Variants in TARS1 observed in about 807,000 individuals in gnomAD.
TARS1 encodes the protein threonyl-tRNA synthetase 1, also known as threonine--tRNA ligase 1, cytoplasmic.
In TARS1, 57 loss-of-function variants were observed where a neutral mutation model predicts 97.7. The ratio of observed to expected loss-of-function variants is 0.58; its 90% CI spans 0.47 to 0.73. The LOEUF is 0.73. TARS1 is among the 30% of genes least tolerant of loss of function. The probability of loss-of-function intolerance (pLI) is 0.00; values close to 1 mark genes in which losing one functional copy is unlikely to be tolerated. For missense variants in TARS1, 806 were observed against 888.3 expected (o/e 0.91, Z 1.18); for synonymous variants, 312 against 293.7 (o/e 1.06, Z -0.64).
At chr5:33,446,456 A>G (rs953953582) in intron 2 of TARS1, among the ~76,000 whole-genome samples, 1 of 152,228 alleles carries the variant, frequency 6.6e-6, no homozygotes, top group African/African-American at 2.4e-5. Context: ...ACAGCTTGAG[A>G]AATGACCTGG....
At chr5:33,444,995 A>C (rs1741343174) in intron 1 of TARS1, among the ~76,000 whole-genome samples, 1 of 152,050 alleles carries the variant, frequency 6.6e-6, no homozygotes. Flanking sequence ...TACTGAATCA[A>C]CTGCGTGCTT....
rs1045635421 is a variant in TARS1 at position 33,467,913 on chromosome 5, A to G, written c.*205A>G. ...GAAGGAGTTAATTAAAAGAGAGCCA[A>G]TAAAATGATTTTACTCATTCAGTAT... On this transcript the variant is annotated 3_prime_UTR_variant, in exon 19 of 19. Coordinates refer to ENST00000265112, the MANE Select transcript of TARS1 (RefSeq NM_152295.5). 8 of 486,456 alleles carry G rather than the reference A, an allele frequency of 1.6e-5. No homozygotes were observed. Among genetic ancestry groups the G allele is most frequent in the Admixed American group, 8.0e-5 (2 of 24,984 alleles). The allele number at this position is 486,456 out of a possible 1,614,324, so 30.1% of individuals were successfully genotyped here. A position where few individuals can be genotyped will look rare whatever the true frequency, so the allele number is the denominator to read the frequency against.
At chr5:33,467,522 T>C (rs761634530) in intron 18 of TARS1, 38 bp from the exon 19 acceptor site, 1 of 1,595,696 alleles carries the variant, frequency 6.3e-7, no homozygotes, top group Non-Finnish European at 8.5e-7. Flanking sequence ...TCCATATCTT[T>C]AGATTAAGTC....
Position 33,463,815 on chromosome 5 carries a change from A to T in TARS1, c.1898A>T (p.Tyr633Phe), listed in dbSNP as rs574983309. ...VVPVGPTCDE[Y>F]AQKVRQQFHD... ...CCAGTGGGACCAACCTGTGATGAAT[A>T]TGCCCAAAAGGTAAGCCTTAGATAT... Residue 633 changes from tyrosine (Y) to phenylalanine (F), a missense_variant, in exon 17 of 19, where the codon TAT (tyrosine) becomes TTT (phenylalanine). Coordinates refer to ENST00000265112, the MANE Select transcript of TARS1 (RefSeq NM_152295.5). 3 of 1,611,626 alleles carry T rather than the reference A, an allele frequency of 1.9e-6. No individual in the cohort carries two copies. In the South Asian group the frequency reaches 3.3e-5, roughly 18 times the overall value.
chr5:33,449,924 G>C (rs1741646298), intron 3 of TARS1, among the ~76,000 whole-genome samples: 1 of 150,410 alleles, frequency 6.6e-6, no homozygotes, highest in African/African-American at 2.4e-5. Context: ...GAATATGTAT[G>C]TATTCACTAA....
At chr5:33,446,101 G>A in intron 2 of TARS1, 1 of 156,080 alleles carries the variant, frequency 6.4e-6, no homozygotes, top group Non-Finnish European at 1.4e-5. Context: ...TCTTTAGAAA[G>A]CTACCAGAAG....
At chr5:33,451,528 C>T (rs1164547043) in intron 3 of TARS1, among the ~76,000 whole-genome samples, 1 of 152,138 alleles carries the variant, frequency 6.6e-6, no homozygotes, top group Non-Finnish European at 1.5e-5. Flanking sequence ...GCGCCCGCCA[C>T]CACGCCTGCC....
chr5:33,458,631 C>G lies in TARS1; in HGVS notation c.1050C>G (p.Ala350=). 7.4e-6 allele frequency: 12 copies of G among 1,613,570 alleles called. No individual in the cohort carries two copies. Among genetic ancestry groups the G allele is most frequent in the Non-Finnish European group, 9.3e-6 (11 of 1,179,740 alleles). The change falls in exon 10 of 19, where the codon GCC becomes GCG. Residue 350 remains alanine, a synonymous_variant. Transcript: ENST00000265112. ...GTTGCTTTTTTCTGCCAAAAGGAGC[C>G]TACATTTATAATGCACTTATTGAAT... ...PGSCFFLPKG[A]YIYNALIEFI...
rs1742631036 is a variant in TARS1, at chr5:33,468,052, G to T, written c.*344G>T. On this transcript the variant is annotated 3_prime_UTR_variant, in exon 19 of 19. Transcript: ENST00000265112. ...AATTCAATTAAGATAACTAGAATTG[G>T]ATTATGGTGTAAAAATAAAAAAAAA... is the stretch of plus-strand genomic sequence containing the variant. 2.1e-5 allele frequency: 4 copies of T among 191,154 alleles called. No individual in the cohort carries two copies. The highest frequency in any genetic ancestry group is 5.9e-5 in the Admixed American group (1 of 16,984). The allele number at this position is 191,154 out of a possible 1,614,324, so 11.8% of individuals were successfully genotyped here.
chr5:33,449,596 C>T (rs1178095732), intron 3 of TARS1, among the ~76,000 whole-genome samples: 2 of 151,316 alleles, frequency 1.3e-5, no homozygotes, highest in Non-Finnish European at 3.0e-5. Flanking sequence ...GCTGGGACTA[C>T]AGGTGCCCGC....
intron 2 of TARS1, chr5:33,446,881 C>A: frequency 1.9e-6 from 1 of 535,838 alleles, no homozygotes; most frequent in Non-Finnish European, 2.9e-6. Flanking sequence ...TTAGTTAATT[C>A]ATGGGTTCTT....
chr5:33,453,312 T>C lies in TARS1; in HGVS notation c.353T>C (p.Val118Ala). The change falls in exon 4 of 19, where the codon GTT becomes GCT. Residue 118 changes from valine (V) to alanine (A), a missense_variant. Coordinates refer to ENST00000265112, the MANE Select transcript of TARS1 (RefSeq NM_152295.5). Reference sequence around the variant, plus strand: ...AGTCAAGGCCTGGCCGACAACACCGTTATTGCTAAAGTAAATAATGTTGTG... The same window carrying C: ...AGTCAAGGCCTGGCCGACAACACCGCTATTGCTAAAGTAAATAATGTTGTG... Reference protein sequence around the residue: ...GISQGLADNTVIAKVNNVVWD... With the variant: ...GISQGLADNTAIAKVNNVVWD... 1 of 1,608,082 alleles carries C rather than the reference T, an allele frequency of 6.2e-7. No homozygotes were observed.
At chr5:33,446,722 G>T in intron 2 of TARS1, 2 of 1,289,396 alleles carry the variant, frequency 1.6e-6, no homozygotes, top group Non-Finnish European at 2.0e-6. Flanking sequence ...ATTGCAAGTG[G>T]CTATGATGAT....
At chr5:33,467,442 T>C (rs1252245364) in intron 18 of TARS1, 118 bp from the exon 19 acceptor site, 1 of 1,104,882 alleles carries the variant, frequency 9.1e-7, no homozygotes, top group Admixed American at 3.1e-5. Context: ...TACCTTTTAA[T>C]GTATCAGAAG....
intron 4 of TARS1, 79 bp downstream of exon 4, chr5:33,453,491 G>A (rs1411161799): frequency 5.2e-5 from 80 of 1,524,614 alleles, no homozygotes; most frequent in Non-Finnish European, 7.0e-5. Flanking sequence ...GTCCTGCTGC[G>A]ATTGGGTGGC....
At chr5:33,446,552 T>G in intron 2 of TARS1, 1 of 523,938 alleles carries the variant, frequency 1.9e-6, no homozygotes. Context: ...TAACGATTGG[T>G]CTGGAAAAAA....
intron 3 of TARS1, among the ~76,000 whole-genome samples, chr5:33,449,358 T>TATATATAG (rs59141272): frequency 9.0e-4 from 132 of 146,456 alleles, no homozygotes; most frequent in Middle Eastern, 3.5e-3. Flanking sequence ...TATATATATA[T>TATATATAG]CTTAAACTGG....
At chr5:33,452,344 C>T (rs941346201) in intron 3 of TARS1, 4 of 1,535,316 alleles carry the variant, frequency 2.6e-6, no homozygotes, top group African/African-American at 2.7e-5. Context: ...GCTCTAGTCA[C>T]ACAGCTTCCT....
At chr5:33,458,078 G>A (rs1237273870) in intron 9 of TARS1, among the ~76,000 whole-genome samples, 1 of 152,144 alleles carries the variant, frequency 6.6e-6, no homozygotes. Flanking sequence ...TTGGCAAGGA[G>A]GTAGGAGGGT....
Sources: allele counts gnomAD v4.1 joint callset (sites outside exome capture counted in the v4.1 genomes callset), GRCh38; gene constraint gnomAD v4.1.1; transcripts MANE v1.5; gene names NCBI Gene and HGNC (gene_info 2026-07-23, HGNC 2026-07-21).